The following SLC5A4 variants were observed in gnomAD, a reference collection of about 807,000 sequenced individuals.
The protein encoded by SLC5A4 is solute carrier family 5 member 4, also known as probable glucose sensor protein SLC5A4.
A neutral mutation model predicts 70.3 loss-of-function variants in SLC5A4; 55 were observed. That is an observed-to-expected ratio of 0.78 (90% CI 0.63 to 0.98). The LOEUF (loss-of-function observed/expected upper bound fraction) is 0.98. SLC5A4 is among the 50% of genes least tolerant of loss of function. SLC5A4 has a pLI of 0.00. For synonymous variants in SLC5A4, 268 were observed against 305.7 expected (o/e 0.88, Z 1.29); for missense variants, 735 against 839.2 (o/e 0.88, Z 1.53).
upstream of SLC5A4, among the ~76,000 whole-genome samples, chr22:32,258,987 C>T (rs367829235): frequency 2.2e-4 from 33 of 152,234 alleles, no homozygotes; most frequent in South Asian, 1.2e-3. Flanking sequence ...TCAAATATTG[C>T]GTAATTCCAC....
chr22:32,352,855 G>A, the SLC5A4 span, among the ~76,000 whole-genome samples: 42 of 152,232 alleles, frequency 2.8e-4, 1 homozygote, highest in Non-Finnish European at 3.1e-4. Flanking sequence ...GTGCTCTTCA[G>A]TTTTCATTGC....
chr22:32,353,863 T>C, the SLC5A4 span, among the ~76,000 whole-genome samples: 10,709 of 150,552 alleles, frequency 0.071, 800 homozygotes, highest in East Asian at 0.45. Flanking sequence ...TGCCCTGATA[T>C]GGCACCCAAA....
At chr22:32,237,591 A>G (rs1926137047) in intron 6 of SLC5A4, among the ~76,000 whole-genome samples, 1 of 152,198 alleles carries the variant, frequency 6.6e-6, no homozygotes, top group African/African-American at 2.4e-5. Context: ...TAAATAGGGG[A>G]AAAGGCAGCA....
At chr22:32,316,931 ACT>A in the SLC5A4 span, among the ~76,000 whole-genome samples, 2 of 66,486 alleles carry the variant, frequency 3.0e-5, no homozygotes, top group Admixed American at 1.9e-4. Context: ...CTAATTAACA[ACT>A]CTGTGTGTGT....
Position 32,234,979 on chromosome 22 carries a change from G to A in SLC5A4, c.779C>T (p.Ala260Val), listed in dbSNP as rs755635977. ...ATCTCGGAAGATGTGGAAGGAGTCC[G>A]CCCGAGGTGTGTAGCAACTGGCACT... ...TISASCYTPR[A>V]DSFHIFRDAV... The change falls in exon 8 of 15, where the codon GCG (alanine) becomes GTG (valine). Residue 260 changes from alanine to valine, a missense_variant. By Grantham distance (64) the Ala-to-Val change is moderately conservative. Transcript: ENST00000266086. The A allele has an allele frequency of 1.7e-5, 28 of 1,613,034 alleles. No individual in the cohort carries two copies. The East Asian group carries it at 4.2e-4, about 24-fold the overall frequency.
the SLC5A4 span, among the ~76,000 whole-genome samples, chr22:32,279,582 G>A: frequency 0.014 from 2,121 of 152,262 alleles, 52 homozygotes; most frequent in African/African-American, 0.048. Flanking sequence ...CCTGAGGTCA[G>A]GAGTACAAGA....
At chr22:32,315,508 G>T in the SLC5A4 span, among the ~76,000 whole-genome samples, 1 of 152,110 alleles carries the variant, frequency 6.6e-6, no homozygotes, top group Non-Finnish European at 1.5e-5. Context: ...TTTTGATATT[G>T]TTCACAGTAG....
Position 32,225,801 on chromosome 22 carries a change from C to T in SLC5A4, c.1303G>A (p.Val435Ile). 6.2e-7 allele frequency: 1 copy of T among 1,607,464 alleles called. No individual in the cohort carries two copies. Among genetic ancestry groups the T allele is most frequent in the Non-Finnish European group, 8.5e-7 (1 of 1,176,788 alleles). Residue 435 changes from valine (V) to isoleucine (I), a missense_variant, in exon 12 of 15, where the codon GTT (valine) becomes ATT (isoleucine). Transcript: ENST00000266086. ...AGTGGGACCCACACAATGCTCACAA[C>T]AGTTAATAGAAGAACAAATATCCTG... Reference protein sequence around the residue: ...AGRIFVLLLTVVSIVWVPLVQ... With the variant: ...AGRIFVLLLTIVSIVWVPLVQ...
At chr22:32,225,549 A>ATGATT (rs762588492) in intron 12 of SLC5A4, 106 bp downstream of exon 12, 15 of 715,380 alleles carry the variant, frequency 2.1e-5, no homozygotes, top group Non-Finnish European at 3.6e-5. Flanking sequence ...AAGATGGGCC[A>ATGATT]TGATTTGCAT....
At chr22:32,247,880 C>G (rs1272627918) in intron 4 of SLC5A4, among the ~76,000 whole-genome samples, 1 of 152,234 alleles carries the variant, frequency 6.6e-6, no homozygotes, top group Non-Finnish European at 1.5e-5. Flanking sequence ...CATCATTTGC[C>G]TCTGATCTGG....
chr22:32,292,357 C>T, the SLC5A4 span, among the ~76,000 whole-genome samples: 2 of 143,470 alleles, frequency 1.4e-5, no homozygotes, highest in Admixed American at 1.5e-4. Flanking sequence ...ATTTTCTAAT[C>T]TGTACACACA....
intron 7 of SLC5A4, 52 bp from the exon 8 acceptor site, chr22:32,235,145 C>A: frequency 7.4e-7 from 1 of 1,350,168 alleles, no homozygotes; most frequent in Non-Finnish European, 1.1e-6. Context: ...CTAAGACATC[C>A]AATGTTTATG....
chr22:32,222,404 T>C (rs933796554), intron 13 of SLC5A4, among the ~76,000 whole-genome samples: 1 of 152,218 alleles, frequency 6.6e-6, no homozygotes, highest in South Asian at 2.1e-4. Context: ...ACAACAGTTT[T>C]CATGACTTTC....
the SLC5A4 span, among the ~76,000 whole-genome samples, chr22:32,286,034 G>C: frequency 0.28 from 42,794 of 151,822 alleles, 6,044 homozygotes; most frequent in African/African-American, 0.32. Flanking sequence ...CCGCTCCCAG[G>C]CCTTATTTTC....
chr22:32,312,758 G>T, the SLC5A4 span, among the ~76,000 whole-genome samples: 1 of 151,982 alleles, frequency 6.6e-6, no homozygotes. Flanking sequence ...TGTCCTTCTC[G>T]GAGGCTGCAC....
upstream of SLC5A4, among the ~76,000 whole-genome samples, chr22:32,257,051 C>T (rs5998339): frequency 1.3e-5 from 2 of 152,284 alleles, no homozygotes; most frequent in South Asian, 4.1e-4. Flanking sequence ...GAGTTAATTT[C>T]TCCATATCCT....
rs1569366722 is a variant in SLC5A4 at position 32,225,781 on chromosome 22, G to A, written c.1323C>T (p.Val441=). ...LLLTVVSIVW[V]PLVQVSQNGQ... ...CATTTTGAGAAACTTGTACCAGTGG[G>A]ACCCACACAATGCTCACAACAGTTA... Residue 441 remains valine (V), a synonymous_variant, in exon 12 of 15, where the codon GTC becomes GTT. Coordinates refer to ENST00000266086, the MANE Select transcript of SLC5A4 (RefSeq NM_014227.3). The A allele has an allele frequency of 1.1e-5, 18 of 1,611,734 alleles. No individual in the cohort carries two copies. Among genetic ancestry groups the A allele is most frequent in the Non-Finnish European group, 1.5e-5 (18 of 1,178,272 alleles).
intron 8 of SLC5A4, 107 bp from the exon 9 acceptor site, chr22:32,233,141 C>T (rs1297147525): frequency 8.1e-7 from 1 of 1,230,994 alleles, no homozygotes; most frequent in Non-Finnish European, 1.1e-6. Flanking sequence ...TAATGTGGAC[C>T]AGTATACCAA....
chr22:32,341,497 CTT>C, the SLC5A4 span, among the ~76,000 whole-genome samples: 1 of 152,206 alleles, frequency 6.6e-6, no homozygotes, highest in Non-Finnish European at 1.5e-5. Context: ...CACTGAAACT[CTT>C]TGTGTTGGCT....
Sources: allele counts gnomAD v4.1 joint callset (sites outside exome capture counted in the v4.1 genomes callset), GRCh38; gene constraint gnomAD v4.1.1; transcripts MANE v1.5; gene names NCBI Gene and HGNC (gene_info 2026-07-23, HGNC 2026-07-21).